LOC400499: variants seen among roughly 807,000 people sequenced by gnomAD.
chr16:11,498,041 A>G, the LOC400499 span, among the ~76,000 whole-genome samples: 1 of 152,172 alleles, frequency 6.6e-6, no homozygotes, highest in African/African-American at 2.4e-5. Flanking sequence ...ATCATGCTCA[A>G]ACCAACCCTC....
chr16:11,508,212 G>T, the LOC400499 span, among the ~76,000 whole-genome samples: 1 of 152,136 alleles, frequency 6.6e-6, no homozygotes. Context: ...CAAGACAGAT[G>T]GTGAGGAGAA....
chr16:11,455,823 T>C, the LOC400499 span, among the ~76,000 whole-genome samples: 1 of 151,878 alleles, frequency 6.6e-6, no homozygotes, highest in Non-Finnish European at 1.5e-5. Context: ...TTTAATCAAC[T>C]TTTATAAACT....
the LOC400499 span, among the ~76,000 whole-genome samples, chr16:11,519,811 T>C: frequency 1.1e-4 from 17 of 151,980 alleles, no homozygotes; most frequent in African/African-American, 4.1e-4. Context: ...GTTCAAGCCA[T>C]TCTCCTGCCT....
the LOC400499 span, chr16:11,390,174 T>C: frequency 8.1e-7 from 1 of 1,232,414 alleles, no homozygotes; most frequent in Non-Finnish European, 1.0e-6. Flanking sequence ...GAACGTGGCC[T>C]CAGCCCAAGA....
the LOC400499 span, among the ~76,000 whole-genome samples, chr16:11,526,971 A>G: frequency 1.8e-3 from 269 of 152,310 alleles, no homozygotes; most frequent in Non-Finnish European, 3.0e-3. Context: ...CCTCTTCCCC[A>G]TGAAAAGCAA....
At chr16:11,470,948 G>A in the LOC400499 span, among the ~76,000 whole-genome samples, 1 of 152,234 alleles carries the variant, frequency 6.6e-6, no homozygotes, top group South Asian at 2.1e-4. Context: ...CATGTGTGTG[G>A]CCTTGAAAAA....
At chr16:11,489,652 T>C in the LOC400499 span, among the ~76,000 whole-genome samples, 1,188 of 152,248 alleles carry the variant, frequency 7.8e-3, 18 homozygotes, top group African/African-American at 0.027. Context: ...TTATTCCCAC[T>C]GGACAATATA....
At chr16:11,397,174 G>A in the LOC400499 span, among the ~76,000 whole-genome samples, 6 of 152,180 alleles carry the variant, frequency 3.9e-5, no homozygotes, top group Non-Finnish European at 5.9e-5. Flanking sequence ...AACACAGCCT[G>A]GCATAGGTGA....
At chr16:11,420,707 G>A in the LOC400499 span, among the ~76,000 whole-genome samples, 2 of 150,712 alleles carry the variant, frequency 1.3e-5, no homozygotes, top group African/African-American at 4.9e-5. Context: ...CAGACGGGGA[G>A]AGGGCACCCT....
chr16:11,506,358 A>T, the LOC400499 span, among the ~76,000 whole-genome samples: 1 of 152,202 alleles, frequency 6.6e-6, no homozygotes, highest in Non-Finnish European at 1.5e-5. Context: ...GTGTTTAACA[A>T]CCAGCCTGTG....
At chr16:11,418,108 G>A in the LOC400499 span, among the ~76,000 whole-genome samples, 1 of 152,206 alleles carries the variant, frequency 6.6e-6, no homozygotes, top group African/African-American at 2.4e-5. Flanking sequence ...TGGGGAAGAT[G>A]GCTGGAGAAA....
the LOC400499 span, among the ~76,000 whole-genome samples, chr16:11,477,599 G>A: frequency 4.6e-5 from 7 of 152,224 alleles, no homozygotes; most frequent in Non-Finnish European, 7.3e-5. Context: ...CTCGTACTGC[G>A]GTGTGACCTT....
the LOC400499 span, among the ~76,000 whole-genome samples, chr16:11,468,171 G>A: frequency 6.6e-6 from 1 of 152,138 alleles, no homozygotes; most frequent in South Asian, 2.1e-4. Flanking sequence ...AGAACTGTGA[G>A]AACAAATTCC....
chr16:11,392,449 G>A, the LOC400499 span: 12 of 398,944 alleles, frequency 3.0e-5, no homozygotes, highest in African/African-American at 1.0e-4. Context: ...CCTCCGCCTC[G>A]GCTGTCCGCC....
the LOC400499 span, chr16:11,502,051 A>G: frequency 7.5e-6 from 3 of 399,024 alleles, no homozygotes; most frequent in Non-Finnish European, 4.4e-6. Flanking sequence ...CTCCTAGTCC[A>G]TCCCCCACCC....
chr16:11,455,007 A>G, the LOC400499 span, among the ~76,000 whole-genome samples: 1 of 152,236 alleles, frequency 6.6e-6, no homozygotes, highest in African/African-American at 2.4e-5. Flanking sequence ...AAGTCAATGA[A>G]CAATCTGATG....
the LOC400499 span, among the ~76,000 whole-genome samples, chr16:11,489,300 C>T: frequency 6.6e-6 from 1 of 152,196 alleles, no homozygotes; most frequent in Non-Finnish European, 1.5e-5. Flanking sequence ...GATGGTCACT[C>T]CAGCTCTTGG....
the LOC400499 span, chr16:11,390,236 G>C: frequency 8.1e-7 from 1 of 1,232,580 alleles, no homozygotes. Context: ...AGCTGGCTCA[G>C]TCATCCTCAC....
At chr16:11,515,523 G>T in the LOC400499 span, among the ~76,000 whole-genome samples, 2 of 146,382 alleles carry the variant, frequency 1.4e-5, no homozygotes, top group African/African-American at 5.4e-5. Context: ...ACATACATAC[G>T]TACATACATA....
Sources: allele counts gnomAD v4.1 joint callset (sites outside exome capture counted in the v4.1 genomes callset), GRCh38; gene constraint gnomAD v4.1.1; transcripts MANE v1.5.